GRK1: variants seen among roughly 807,000 people sequenced by gnomAD.
GRK1 encodes the protein G protein-coupled receptor kinase 1, also known as rhodopsin kinase GRK1.
Under a neutral mutation model 41.7 loss-of-function variants are expected in GRK1, and 28 were observed. The observed-to-expected ratio is 0.67, with a 90% CI of 0.50 to 0.92. The LOEUF is 0.92. Among genes scored for constraint, GRK1 ranks in the 40% least tolerant of loss-of-function variants. The pLI, the probability that GRK1 is intolerant of heterozygous loss-of-function variation, is 0.00. For missense variants in GRK1, 703 were observed against 671.2 expected (o/e 1.05, Z -0.52); for synonymous variants, 327 against 286.7 (o/e 1.14, Z -1.42).
At position 113,733,684 on chromosome 13, in the gene GRK1, T is replaced by C. The variant is rs1465864984; in HGVS notation, c.1396+599T>C. On this transcript the variant is annotated intron_variant, in intron 6 of 6. Coordinates refer to ENST00000335678, the MANE Select transcript of GRK1 (RefSeq NM_002929.3). ...GTGCGTGTGTGCACGTGTGTGCATG[T>C]ATGTGTGCATACATGTGTGCGTGTG... is the stretch of plus-strand genomic sequence containing the variant. Among the ~76,000 whole-genome samples, 34 of 139,874 alleles carry C rather than the reference T, an allele frequency of 2.4e-4. 2 individuals are homozygous for C. The highest frequency in any genetic ancestry group is 8.4e-4 in the African/African-American group (29 of 34,656). 91.8% of individuals were successfully genotyped at this position (139,874 alleles called of 152,430 possible).
Position 113,731,601 on chromosome 13 carries a change from A to C in GRK1, c.1194+258A>C, listed in dbSNP as rs1475460205. 6.6e-6 allele frequency among the ~76,000 whole-genome samples: 1 copy of C among 152,118 alleles called. No individual in the cohort carries two copies. Among genetic ancestry groups the C allele is most frequent in the Non-Finnish European group, 1.5e-5 (1 of 68,000 alleles). On this transcript the variant is annotated intron_variant, in intron 5 of 6. Transcript: ENST00000335678. The surrounding 1 kb of genome is among the most constrained non-coding windows in gnomAD (Gnocchi z 5.6). ...CCCAGTCACCCTGTGCCCCAGAGCA[A>C]GCAGACCCTCCCACCAGACAGCACG...
intron 4 of GRK1, among the ~76,000 whole-genome samples, chr13:113,724,534 A>G (rs1382346573): frequency 6.6e-6 from 1 of 151,840 alleles, no homozygotes; most frequent in Non-Finnish European, 1.5e-5. Context: ...CTCCAGCTGG[A>G]CTTAGGGGAA....
At chr13:113,653,092 C>A in the GRK1 span, 1 of 1,598,668 alleles carries the variant, frequency 6.3e-7, no homozygotes, top group Non-Finnish European at 8.5e-7. Flanking sequence ...GACGCACCTG[C>A]CAGCCCTGTC....
At chr13:113,655,227 C>A in the GRK1 span, among the ~76,000 whole-genome samples, 1 of 152,200 alleles carries the variant, frequency 6.6e-6, no homozygotes, top group Non-Finnish European at 1.5e-5. Flanking sequence ...TTCACTCCAG[C>A]CGCTGTTTGA....
chr13:113,650,520 G>A, the GRK1 span: 1 of 1,604,882 alleles, frequency 6.2e-7, no homozygotes, highest in Non-Finnish European at 8.5e-7. The surrounding 1 kb of genome is among the most constrained non-coding windows in gnomAD (Gnocchi z 5.0). Flanking sequence ...GGGGAGGAGA[G>A]GCCACTGCCT....
the GRK1 span, among the ~76,000 whole-genome samples, chr13:113,659,773 C>G: frequency 6.6e-6 from 1 of 151,840 alleles, no homozygotes; most frequent in Non-Finnish European, 1.5e-5. Flanking sequence ...AACATTGTAC[C>G]CATTTCTGAC....
At chr13:113,672,172 C>A (rs1038659312) in intron 3 of GRK1, among the ~76,000 whole-genome samples, 2 of 150,096 alleles carry the variant, frequency 1.3e-5, no homozygotes, top group Non-Finnish European at 1.5e-5. Flanking sequence ...GTGCTGTGTG[C>A]GCGTATGTGG....
Position 113,667,349 on chromosome 13 carries a change from A to T in GRK1, c.-38A>T. The T allele has an allele frequency of 6.7e-7, 1 of 1,495,142 alleles. No individual in the cohort carries two copies. The highest frequency in any genetic ancestry group is 1.4e-5 in the South Asian group (1 of 72,734). The allele number at this position is 1,495,142 out of a possible 1,614,324, so 92.6% of individuals were successfully genotyped here. A position where few individuals can be genotyped will look rare whatever the true frequency, so the allele number is the denominator to read the frequency against. ...AACGCTCCCGGCTTGGCCTCGGCTGATGGGCCCTCACGCCTGAAGCGGGCA... is the reference window on the plus strand; with the variant it reads ...AACGCTCCCGGCTTGGCCTCGGCTGTTGGGCCCTCACGCCTGAAGCGGGCA... On this transcript the variant is annotated 5_prime_UTR_variant, in exon 1 of 7. The change abolishes an upstream ATG in the 5' untranslated region. Transcript: ENST00000335678. The surrounding 1 kb of genome is among the most constrained non-coding windows in gnomAD (Gnocchi z 7.5).
chr13:113,734,113 A>G (rs1157807881), intron 6 of GRK1, among the ~76,000 whole-genome samples: 2 of 152,230 alleles, frequency 1.3e-5, no homozygotes, highest in Non-Finnish European at 2.9e-5. Context: ...TCTGAGACAC[A>G]GCCATACCCT....
intron 6 of GRK1, among the ~76,000 whole-genome samples, chr13:113,733,724 TGCGC>T (rs766879350): frequency 7.4e-6 from 1 of 135,556 alleles, no homozygotes; most frequent in African/African-American, 2.9e-5. Context: ...CACGTGTGTG[TGCGC>T]GCGTGTGTAT....
the GRK1 span, chr13:113,651,637 G>A: frequency 6.4e-7 from 1 of 1,563,536 alleles, no homozygotes; most frequent in Non-Finnish European, 8.7e-7. Flanking sequence ...CTCCTTTCCT[G>A]GGGCAGCCCT....
chr13:113,733,722 T>C lies in GRK1; in HGVS notation c.1396+637T>C, dbSNP rs1323701703. On this transcript the variant is annotated intron_variant, in intron 6 of 6. Coordinates refer to ENST00000335678, the MANE Select transcript of GRK1 (RefSeq NM_002929.3). ...ATGTGTGCGTGTGTGCGCACGTGTG[T>C]GTGCGCGCGTGTGTATGTGTGCATA... Among the ~76,000 whole-genome samples, 840 of 135,904 alleles carry C rather than the reference T, an allele frequency of 6.2e-3. 17 individuals are homozygous for C. The highest frequency in any genetic ancestry group is 0.021 in the African/African-American group (773 of 37,180). The allele number at this position is 135,904 out of a possible 152,430, so 89.2% of individuals were successfully genotyped here. A position where few individuals can be genotyped will look rare whatever the true frequency, so the allele number is the denominator to read the frequency against.
At chr13:113,723,850 G>GTGTGCA (rs1555360572) in intron 4 of GRK1, among the ~76,000 whole-genome samples, 2 of 120,796 alleles carry the variant, frequency 1.7e-5, no homozygotes. Flanking sequence ...ACGTGTCTGT[G>GTGTGCA]TGCCTGTGTG....
At chr13:113,732,293 T>C (rs2049942954) in intron 5 of GRK1, among the ~76,000 whole-genome samples, 1 of 152,156 alleles carries the variant, frequency 6.6e-6, no homozygotes, top group Admixed American at 6.5e-5. Flanking sequence ...TGACCTGTCC[T>C]GCCAGGACAG....
chr13:113,728,683 G>A (rs937696285), intron 4 of GRK1, among the ~76,000 whole-genome samples: 11 of 152,314 alleles, frequency 7.2e-5, no homozygotes, highest in African/African-American at 2.4e-4. Flanking sequence ...GCTGGACCAC[G>A]GAAGTGCCTG....
In GRK1 at chr13:113,736,142, A is replaced by C. The variant is rs1371790142; in HGVS notation, c.*779A>C. On this transcript the variant is annotated 3_prime_UTR_variant, in exon 7 of 7. Coordinates refer to ENST00000335678, the MANE Select transcript of GRK1 (RefSeq NM_002929.3). The stretch of plus-strand genomic sequence containing the variant: ...TGACGGCAGCTGGTGCAAAGTTCCC[A>C]CCCCTGAGCTGGGGAGCTGAAAATG... 6.6e-6 allele frequency: 1 copy of C among 152,016 alleles called. No individual in the cohort carries two copies. Among genetic ancestry groups the C allele is most frequent in the Admixed American group, 6.6e-5 (1 of 15,254 alleles). The allele number at this position is 152,016 out of a possible 1,614,324, so 9.4% of individuals were successfully genotyped here.
the GRK1 span, chr13:113,649,010 G>GGGT: frequency 1.8e-5 from 3 of 167,052 alleles, no homozygotes; most frequent in African/African-American, 7.3e-5. The surrounding 1 kb of genome is among the most constrained non-coding windows in gnomAD (Gnocchi z 4.7). Flanking sequence ...TGTGGGGGGG[G>GGGT]CAGTTCATAT....
At chr13:113,656,992 A>C in the GRK1 span, among the ~76,000 whole-genome samples, 3 of 152,122 alleles carry the variant, frequency 2.0e-5, no homozygotes, top group African/African-American at 7.2e-5. Context: ...CCTCTCTAGG[A>C]ACGGGGTATT....
upstream of GRK1, among the ~76,000 whole-genome samples, chr13:113,664,404 C>A (rs907420839): frequency 6.6e-6 from 1 of 152,136 alleles, no homozygotes; most frequent in East Asian, 1.9e-4. The surrounding 1 kb of genome is among the most constrained non-coding windows in gnomAD (Gnocchi z 5.4). Context: ...TGTAAATCCA[C>A]AATTATCACA....
Sources: allele counts gnomAD v4.1 joint callset (sites outside exome capture counted in the v4.1 genomes callset), GRCh38; gene constraint gnomAD v4.1.1; non-coding constraint Gnocchi (gnomAD v3.1); transcripts MANE v1.5; gene names NCBI Gene and HGNC (gene_info 2026-07-23, HGNC 2026-07-21).